Variants in MBP observed in about 807,000 individuals in gnomAD.
MBP encodes the protein Golli-MBP.
Under a neutral mutation model 35.8 loss-of-function variants are expected in MBP, and 16 were observed. The observed-to-expected ratio is 0.45, with a 90% CI of 0.30 to 0.68. The LOEUF (loss-of-function observed/expected upper bound fraction) is 0.68, where lower values mean the gene tolerates loss of function less well. Ranked by LOEUF, MBP falls within the 30% of genes least tolerant of loss-of-function variation. MBP has a pLI of 0.08. For missense variants in MBP, 380 were observed against 404.7 expected (o/e 0.94, Z 0.52); for synonymous variants, 143 against 159.6 (o/e 0.90, Z 0.78).
chr18:76,980,297 C>G lies in MBP; in HGVS notation c.*130G>C, dbSNP rs372582716. ...AGGCTGCCGTGGCCTGACCCTACTA[C>G]GTGCACAACTCCGCAGGCATTAGGG... On this transcript the variant is annotated 3_prime_UTR_variant, in exon 9 of 9. Transcript: ENST00000355994. 2 of 871,414 alleles carry G rather than the reference C, an allele frequency of 2.3e-6. No homozygotes were observed. The highest frequency in any genetic ancestry group is 2.0e-6 in the Non-Finnish European group (1 of 504,778). 54.0% of individuals were successfully genotyped at this position (871,414 alleles called of 1,614,324 possible).
At chr18:77,126,272 A>T (rs1977044760) in intron 1 of MBP, among the ~76,000 whole-genome samples, 1 of 152,238 alleles carries the variant, frequency 6.6e-6, no homozygotes. Context: ...AGCATTAGAG[A>T]GTCAGTCAAT....
At chr18:77,018,352 CCATA>C (rs1971767799) in intron 3 of MBP, among the ~76,000 whole-genome samples, 1 of 116,710 alleles carries the variant, frequency 8.6e-6, no homozygotes, top group African/African-American at 2.6e-5. Context: ...ATCCATCCAT[CCATA>C]CACATACCCA....
At chr18:77,098,168 C>CTTTTTTTTTTTTTTTTTTTTTTTT (rs3214873) in intron 2 of MBP, among the ~76,000 whole-genome samples, 1 of 108,528 alleles carries the variant, frequency 9.2e-6, no homozygotes, top group Non-Finnish European at 1.8e-5. Flanking sequence ...CAAGGACTTC[C>CTTTTTTTTTTTTTTTTTTTTTTTT]TTTTTTTTTT....
intron 4 of MBP, chr18:77,016,394 A>G: frequency 9.0e-6 from 9 of 1,000,400 alleles, no homozygotes; most frequent in Non-Finnish European, 1.1e-5. Flanking sequence ...GCAGAGCAAC[A>G]TGAAGCTAGC....
At chr18:77,129,391 G>A (rs1378775912) in intron 1 of MBP, among the ~76,000 whole-genome samples, 3 of 152,220 alleles carry the variant, frequency 2.0e-5, no homozygotes, top group African/African-American at 4.8e-5. Flanking sequence ...AGCTTCAGTC[G>A]GCCGGGGAGA....
Position 76,992,082 on chromosome 18 carries a change from G to T in MBP, c.577-2022C>A, listed in dbSNP as rs140101469. Among the ~76,000 whole-genome samples, 40 of 152,256 alleles carry T rather than the reference G, an allele frequency of 2.6e-4. 1 individual carries two copies. Among genetic ancestry groups the T allele is most frequent in the African/African-American group, 9.1e-4 (38 of 41,532 alleles). Reference sequence around the variant, plus strand: ...GGGGTCTCCACACGGCACACATCAGGTCTGAAGTTTTGCTGGCACTGGACT... The same window carrying T: ...GGGGTCTCCACACGGCACACATCAGTTCTGAAGTTTTGCTGGCACTGGACT... On this transcript the variant is annotated intron_variant, in intron 4 of 8. Coordinates refer to ENST00000355994, the MANE Select transcript of MBP (RefSeq NM_001025101.2).
chr18:77,015,397 G>T (rs1222056773), intron 4 of MBP: 1 of 985,234 alleles, frequency 1.0e-6, no homozygotes, highest in Non-Finnish European at 1.2e-6. Context: ...TGTCTGGTGT[G>T]GTTTGATAGC....
intron 7 of MBP, chr18:76,987,778 A>G (rs1181608113): frequency 9.8e-7 from 1 of 1,015,840 alleles, no homozygotes; most frequent in East Asian, 9.7e-5. Flanking sequence ...ATTTGCTAGT[A>G]ACTAAAGTCT....
At chr18:77,017,290 G>T in intron 3 of MBP, 22 bp from the exon 4 acceptor site, 1 of 1,501,534 alleles carries the variant, frequency 6.7e-7, no homozygotes, top group Non-Finnish European at 8.9e-7. Flanking sequence ...AATGAGATAT[G>T]AATACGGGCC....
intron 2 of MBP, among the ~76,000 whole-genome samples, chr18:77,103,152 G>A (rs756693855): frequency 5.9e-5 from 9 of 152,148 alleles, no homozygotes; most frequent in Non-Finnish European, 1.0e-4. Context: ...TGGATGATTT[G>A]AAAGCAAATC....
chr18:77,090,159 G>A (rs1330146630), intron 2 of MBP, among the ~76,000 whole-genome samples: 4 of 152,204 alleles, frequency 2.6e-5, no homozygotes, highest in African/African-American at 7.2e-5. Context: ...AACTGGCCTC[G>A]GGGAGAGTCC....
At chr18:77,065,440 A>G (rs12326491) in intron 3 of MBP, among the ~76,000 whole-genome samples, 13,187 of 152,252 alleles carry the variant, frequency 0.087, 1,238 homozygotes, top group African/African-American at 0.23. Flanking sequence ...TCCAATTAAC[A>G]TAGAAATTTA....
chr18:77,055,602 T>TC (rs59580835), intron 3 of MBP, among the ~76,000 whole-genome samples: 23 of 152,112 alleles, frequency 1.5e-4, no homozygotes, highest in African/African-American at 4.8e-4. Flanking sequence ...TCTCTCTCTC[T>TC]TTCTTTCTCT....
chr18:77,056,463 A>G (rs1973727826), intron 3 of MBP, among the ~76,000 whole-genome samples: 1 of 152,172 alleles, frequency 6.6e-6, no homozygotes, highest in Non-Finnish European at 1.5e-5. Context: ...CGAAGGACCC[A>G]GGAGCCTTTG....
chr18:77,078,387 T>A (rs566730745), intron 2 of MBP, among the ~76,000 whole-genome samples: 1 of 152,324 alleles, frequency 6.6e-6, no homozygotes, highest in African/African-American at 2.4e-5. Context: ...TTCCCAGGAA[T>A]GAAGGAAGTT....
intron 1 of MBP, among the ~76,000 whole-genome samples, chr18:77,111,207 G>A (rs965976902): frequency 3.3e-5 from 5 of 152,176 alleles, no homozygotes; most frequent in Admixed American, 6.5e-5. Context: ...AGCATCCACC[G>A]AGGAGCCCAG....
Position 77,057,981 on chromosome 18 carries a change from T to C in MBP, c.139+8317A>G, listed in dbSNP as rs534447782. On this transcript the variant is annotated intron_variant, in intron 3 of 8. Transcript: ENST00000355994. ...AGCTGGGACTACAGGCGCCCGCCAC[T>C]ACGCCCGGCTAATTTTTTGTATTTT... Among the ~76,000 whole-genome samples the C allele has an allele frequency of 1.2e-3, 81 of 65,294 alleles. 23 individuals carry two copies. Among genetic ancestry groups the C allele is most frequent in the South Asian group, 4.6e-3 (7 of 1,518 alleles). 42.8% of individuals were successfully genotyped at this position (65,294 alleles called of 152,430 possible).
chr18:77,052,259 C>T (rs1338904070), intron 3 of MBP, among the ~76,000 whole-genome samples: 2 of 152,294 alleles, frequency 1.3e-5, no homozygotes, highest in East Asian at 3.9e-4. Context: ...CTTATGGAAA[C>T]CAAATAGAAG....
intron 1 of MBP, among the ~76,000 whole-genome samples, chr18:77,130,586 A>G (rs1977208797): frequency 6.6e-6 from 1 of 152,076 alleles, no homozygotes; most frequent in Non-Finnish European, 1.5e-5. Context: ...ATATTTTTAA[A>G]GAACTTGGAG....
Sources: allele counts gnomAD v4.1 joint callset (sites outside exome capture counted in the v4.1 genomes callset), GRCh38; gene constraint gnomAD v4.1.1; transcripts MANE v1.5; gene names NCBI Gene and HGNC (gene_info 2026-07-23, HGNC 2026-07-21).